Variants in NAALADL2 observed in about 807,000 individuals in gnomAD.
The protein encoded by NAALADL2 is inactive N-acetylated-alpha-linked acidic dipeptidase-like protein 2.
A neutral mutation model predicts 87.2 loss-of-function variants in NAALADL2; 76 were observed. The observed-to-expected ratio is 0.87, with a 90% CI of 0.72 to 1.05. The LOEUF (loss-of-function observed/expected upper bound fraction) is 1.05, where lower values mean the gene tolerates loss of function less well. NAALADL2 is among the 50% of genes least tolerant of loss of function. The probability of loss-of-function intolerance (pLI) is 0.00; values close to 1 mark genes in which losing one functional copy is unlikely to be tolerated. For synonymous variants in NAALADL2, 354 were observed against 331.0 expected (o/e 1.07, Z -0.75); for missense variants, 1,089 against 945.8 (o/e 1.15, Z -1.99).
intron 11 of NAALADL2, chr3:175,718,644 C>G (rs1175374944): frequency 6.3e-7 from 1 of 1,586,728 alleles, no homozygotes; most frequent in Non-Finnish European, 8.6e-7. Context: ...GGGACTTTTA[C>G]TCCCGAGCCC....
At chr3:175,077,766 T>A (rs1394095917) in intron 1 of NAALADL2, among the ~76,000 whole-genome samples, 9 of 152,228 alleles carry the variant, frequency 5.9e-5, no homozygotes, top group African/African-American at 1.2e-4. Flanking sequence ...TTTACTTTTT[T>A]AAAAATATAA....
At chr3:175,579,160 T>C (rs1273278673) in intron 10 of NAALADL2, among the ~76,000 whole-genome samples, 2 of 152,074 alleles carry the variant, frequency 1.3e-5, no homozygotes, top group East Asian at 1.9e-4. Flanking sequence ...CTATTTGACA[T>C]TTATTTGGGT....
At chr3:174,949,211 C>T (rs1271052260) in intron 1 of NAALADL2, among the ~76,000 whole-genome samples, 1 of 152,194 alleles carries the variant, frequency 6.6e-6, no homozygotes, top group Non-Finnish European at 1.5e-5. Context: ...GAAACATAAA[C>T]ATTCAGGCCA....
intron 11 of NAALADL2, among the ~76,000 whole-genome samples, chr3:175,628,783 G>A (rs1047179253): frequency 6.6e-6 from 1 of 150,578 alleles, no homozygotes; most frequent in African/African-American, 2.4e-5. Context: ...CGAACTGAGT[G>A]AGTGTCAATA....
intron 1 of NAALADL2, among the ~76,000 whole-genome samples, chr3:174,987,593 A>G (rs1021262677): frequency 7.0e-6 from 1 of 142,668 alleles, no homozygotes; most frequent in Non-Finnish European, 1.5e-5. Flanking sequence ...AAAAAAAAAA[A>G]AAAAACAATA....
intron 7 of NAALADL2, among the ~76,000 whole-genome samples, chr3:175,463,720 G>GAC (rs1560592497): frequency 4.6e-4 from 70 of 151,212 alleles, no homozygotes; most frequent in African/African-American, 1.6e-3. Flanking sequence ...GAGAGAGAGA[G>GAC]AGAGAGAGAG....
intron 2 of NAALADL2, among the ~76,000 whole-genome samples, chr3:174,659,659 T>A (rs1396328336): frequency 6.6e-6 from 1 of 152,166 alleles, no homozygotes; most frequent in Non-Finnish European, 1.5e-5. Context: ...ATTCAGCCAG[T>A]GGGAGGCATA....
chr3:174,599,280 A>G (rs1718218696), intron 2 of NAALADL2, among the ~76,000 whole-genome samples: 1 of 152,152 alleles, frequency 6.6e-6, no homozygotes, highest in Non-Finnish European at 1.5e-5. Context: ...GTTGATAGCT[A>G]TGATAGGCAG....
intron 9 of NAALADL2, among the ~76,000 whole-genome samples, chr3:175,524,992 A>T (rs1351269341): frequency 1.3e-5 from 2 of 152,288 alleles, no homozygotes; most frequent in African/African-American, 4.8e-5. Flanking sequence ...AGGCAGGATC[A>T]AATTGGGCAG....
intron 12 of NAALADL2, among the ~76,000 whole-genome samples, chr3:175,739,441 CAT>C (rs1385486043): frequency 1.3e-5 from 2 of 152,252 alleles, no homozygotes; most frequent in Admixed American, 6.5e-5. Context: ...TTTTAATTAA[CAT>C]AGGCTAATAC....
chr3:175,484,925 T>G (rs779049785), intron 9 of NAALADL2, among the ~76,000 whole-genome samples: 2 of 152,174 alleles, frequency 1.3e-5, no homozygotes, highest in Non-Finnish European at 2.9e-5. Context: ...TACACTAGTT[T>G]TTAGTGGAAG....
chr3:175,743,070 C>T (rs117292556), intron 12 of NAALADL2, among the ~76,000 whole-genome samples: 8,696 of 151,762 alleles, frequency 0.057, 345 homozygotes, highest in South Asian at 0.24. Flanking sequence ...GCGCGATCTC[C>T]GCTCACTGCA....
chr3:175,288,281 A>C (rs972486692), intron 4 of NAALADL2, among the ~76,000 whole-genome samples: 1 of 152,130 alleles, frequency 6.6e-6, no homozygotes, highest in Non-Finnish European at 1.5e-5. Context: ...TTTTTGTTCT[A>C]TTCAGGCCTT....
intron 2 of NAALADL2, among the ~76,000 whole-genome samples, chr3:175,166,316 C>T (rs1734000737): frequency 6.6e-6 from 1 of 151,952 alleles, no homozygotes; most frequent in Admixed American, 6.6e-5. Flanking sequence ...CTGATTCTCA[C>T]CTCATTTCCC....
intron 1 of NAALADL2, among the ~76,000 whole-genome samples, chr3:174,915,030 C>A (rs558423062): frequency 6.6e-6 from 1 of 152,126 alleles, no homozygotes; most frequent in South Asian, 2.1e-4. Context: ...TACAAAGTCT[C>A]TATTCTGGAC....
At chr3:175,670,092 T>G (rs1733733243) in intron 11 of NAALADL2, among the ~76,000 whole-genome samples, 1 of 151,990 alleles carries the variant, frequency 6.6e-6, no homozygotes, top group Admixed American at 6.6e-5. Context: ...CTTTATGAAG[T>G]GAGATCTATT....
intron 2 of NAALADL2, among the ~76,000 whole-genome samples, chr3:175,221,791 T>C (rs940367379): frequency 1.3e-5 from 2 of 152,042 alleles, no homozygotes; most frequent in South Asian, 2.1e-4. Flanking sequence ...ATTTATTTTT[T>C]TGGAGATGGA....
rs527373428 is a variant in NAALADL2 at position 174,822,738 on chromosome 3, T to A, written c.-9+84992T>A. The stretch of plus-strand genomic sequence containing the variant: ...AGAAAGGTATGGAAGGTATGATTTG[T>A]ACTCAGACAGATGTTCAACCAGAAT... On this transcript the variant is annotated intron_variant, in intron 3 of 3. Transcript: ENST00000434257. 2.1e-4 allele frequency among the ~76,000 whole-genome samples: 32 copies of A among 152,310 alleles called. 1 individual carries two copies. The South Asian group carries it at 6.4e-3, about 31-fold the overall frequency.
rs183441535 is a variant in NAALADL2, at chr3:175,560,596, T to G, written c.1654-15445T>G. Reference sequence around the variant, plus strand: ...TATTTGTTTTTTTCTTCTTTTTTGATGTAGGCACATAGCTATAAATTTCCC... The same window carrying G: ...TATTTGTTTTTTTCTTCTTTTTTGAGGTAGGCACATAGCTATAAATTTCCC... On this transcript the variant is annotated intron_variant, in intron 9 of 13. Coordinates refer to ENST00000454872, the MANE Select transcript of NAALADL2 (RefSeq NM_207015.3). Among the ~76,000 whole-genome samples, 7 of 152,304 alleles carry G rather than the reference T, an allele frequency of 4.6e-5. No homozygotes were observed. The East Asian group carries it at 1.4e-3, about 29-fold the overall frequency.
Sources: gnomAD v4.1 joint callset for allele counts (sites outside exome capture counted in the v4.1 genomes callset) on GRCh38, gnomAD v4.1.1 for gene constraint, MANE v1.5 for transcripts, NCBI Gene and HGNC (gene_info 2026-07-23, HGNC 2026-07-21) for gene names.